ZCWPW2: variants seen among roughly 807,000 people sequenced by gnomAD.
ZCWPW2 encodes the protein zinc finger CW-type PWWP domain protein 2.
A neutral mutation model predicts 46.6 loss-of-function variants in ZCWPW2; 45 were observed. The ratio of observed to expected loss-of-function variants is 0.96; its 90% CI spans 0.76 to 1.24. The LOEUF is 1.24. ZCWPW2 is among the 50% of genes most tolerant of loss of function. The pLI is 0.00. For synonymous variants in ZCWPW2, 152 were observed against 137.1 expected, an observed-to-expected ratio of 1.11 and a Z score of -0.76; for missense variants, 429 against 403.9, an observed-to-expected ratio of 1.06 and a Z score of -0.53.
Position 28,384,610 on chromosome 3 carries a change from C to CTTTTTTTT in ZCWPW2, c.-133-5885_-133-5884insTTTTTTTT, listed in dbSNP as rs201820223. 4.9e-5 allele frequency among the ~76,000 whole-genome samples: 7 copies of CTTTTTTTT among 143,528 alleles called. 1 individual carries two copies. The allele number at this position is 143,528 out of a possible 152,430, so 94.2% of individuals were successfully genotyped here. On this transcript the variant is annotated intron_variant, in intron 1 of 9. Coordinates refer to ENST00000383768, the MANE Select transcript of ZCWPW2 (RefSeq NM_001040432.4). Reference sequence around the variant, plus strand: ...GACACATTCAAGTTGACCAATCTTTCTTTCTTTTTTTTTTTTTTTTGAGAC... The same window carrying CTTTTTTTT: ...GACACATTCAAGTTGACCAATCTTTCTTTTTTTTTTTCTTTTTTTTTTTTTTTTGAGAC...
chr3:28,357,609 C>T lies in ZCWPW2; in HGVS notation c.-134+8406C>T, dbSNP rs528630458. On this transcript the variant is annotated intron_variant, in intron 1 of 9. Transcript: ENST00000383768. ...CTCTGCTTGAATATTTGATCTGGGA[C>T]GTAAGTTTTCTGCCTGTGGACTAGA... Among the ~76,000 whole-genome samples, 10 of 151,678 alleles carry T rather than the reference C, an allele frequency of 6.6e-5. No individual in the cohort carries two copies. In the East Asian group the frequency reaches 7.8e-4, roughly 12 times the overall value.
chr3:28,434,644 T>C (rs1455509718), intron 3 of ZCWPW2, among the ~76,000 whole-genome samples: 1 of 152,232 alleles, frequency 6.6e-6, no homozygotes, highest in Non-Finnish European at 1.5e-5. Flanking sequence ...AAGCCTGAGC[T>C]ATCAGGATTC....
intron 1 of ZCWPW2, among the ~76,000 whole-genome samples, chr3:28,383,318 T>C (rs893468717): frequency 1.4e-5 from 2 of 144,032 alleles, no homozygotes; most frequent in Non-Finnish European, 1.6e-5. Context: ...ATTGGAAAAA[T>C]AAAACATGCA....
chr3:28,495,975 A>C (rs993413348), intron 6 of ZCWPW2, among the ~76,000 whole-genome samples: 69 of 152,076 alleles, frequency 4.5e-4, no homozygotes, highest in Non-Finnish European at 1.9e-4. Flanking sequence ...GGACTCGACA[A>C]ACTACAAATA....
intron 3 of ZCWPW2, among the ~76,000 whole-genome samples, chr3:28,434,237 T>G (rs1425462151): frequency 6.6e-6 from 1 of 152,158 alleles, no homozygotes; most frequent in Non-Finnish European, 1.5e-5. Flanking sequence ...CAGAGGTTTT[T>G]CAGGACTATT....
intron 8 of ZCWPW2, among the ~76,000 whole-genome samples, chr3:28,516,109 A>G (rs1430853211): frequency 6.6e-6 from 1 of 151,740 alleles, no homozygotes; most frequent in East Asian, 1.9e-4. Context: ...CCGTGGTGGC[A>G]TGCACCTGTA....
chr3:28,369,505 A>T (rs1202228182), intron 1 of ZCWPW2, among the ~76,000 whole-genome samples: 1 of 152,134 alleles, frequency 6.6e-6, no homozygotes, highest in East Asian at 1.9e-4. Context: ...CTGCCTGATC[A>T]TTCCTCTGGA....
intron 9 of ZCWPW2, among the ~76,000 whole-genome samples, chr3:28,522,950 A>C (rs1430073424): frequency 6.6e-6 from 1 of 152,148 alleles, no homozygotes; most frequent in African/African-American, 2.4e-5. Flanking sequence ...TTCTTTTCAA[A>C]AATACAGCCA....
intron 2 of ZCWPW2, among the ~76,000 whole-genome samples, chr3:28,400,790 G>T (rs536430487): frequency 9.9e-5 from 15 of 152,220 alleles, no homozygotes; most frequent in African/African-American, 3.6e-4. Flanking sequence ...GCTAAAAAAC[G>T]CTCTAAATCT....
At chr3:28,466,950 G>C (rs1698847778) in intron 4 of ZCWPW2, among the ~76,000 whole-genome samples, 1 of 151,952 alleles carries the variant, frequency 6.6e-6, no homozygotes, top group Admixed American at 6.6e-5. Context: ...TGAGACTTTT[G>C]ACAAACTAAT....
At chr3:28,523,836 T>C (rs2125841321) in intron 9 of ZCWPW2, among the ~76,000 whole-genome samples, 1 of 152,274 alleles carries the variant, frequency 6.6e-6, no homozygotes. Context: ...TGCCTTGACT[T>C]GGCAAGCAAT....
At chr3:28,367,955 C>T (rs1705182930) in intron 1 of ZCWPW2, among the ~76,000 whole-genome samples, 2 of 152,110 alleles carry the variant, frequency 1.3e-5, no homozygotes, top group South Asian at 2.1e-4. Flanking sequence ...TTATCAGAGA[C>T]TAGGCTTGCA....
chr3:28,439,226 T>G (rs1169279092), intron 4 of ZCWPW2, among the ~76,000 whole-genome samples: 2 of 151,698 alleles, frequency 1.3e-5, no homozygotes, highest in Non-Finnish European at 2.9e-5. Flanking sequence ...CACAATAGGC[T>G]GTCTTCAAGC....
At chr3:28,414,009 A>G (rs1161065201) in intron 3 of ZCWPW2, among the ~76,000 whole-genome samples, 2 of 152,050 alleles carry the variant, frequency 1.3e-5, no homozygotes, top group Non-Finnish European at 2.9e-5. Context: ...TGGTTTTCCC[A>G]AGTATGCAGT....
chr3:28,424,304 G>A (rs1212067153), intron 3 of ZCWPW2, among the ~76,000 whole-genome samples: 2 of 150,006 alleles, frequency 1.3e-5, no homozygotes, highest in Admixed American at 6.7e-5. Context: ...GTATGTTCTT[G>A]CTCTATCACT....
intron 5 of ZCWPW2, among the ~76,000 whole-genome samples, chr3:28,490,664 A>G (rs549063858): frequency 6.6e-6 from 1 of 152,160 alleles, no homozygotes; most frequent in African/African-American, 2.4e-5. Flanking sequence ...ACTGGGGCCT[A>G]CGTGAGGGTG....
intron 4 of ZCWPW2, among the ~76,000 whole-genome samples, chr3:28,441,750 C>T (rs528506294): frequency 6.6e-6 from 1 of 152,122 alleles, no homozygotes; most frequent in South Asian, 2.1e-4. Flanking sequence ...CTGTGCACAA[C>T]CCATTTTATG....
intron 1 of ZCWPW2, among the ~76,000 whole-genome samples, chr3:28,363,043 C>T (rs149957644): frequency 2.7e-4 from 36 of 131,240 alleles, no homozygotes; most frequent in Non-Finnish European, 4.0e-4. Flanking sequence ...GAACAACAGA[C>T]GCTGGGGCCT....
intron 4 of ZCWPW2, among the ~76,000 whole-genome samples, chr3:28,465,522 A>T (rs537219644): frequency 1.3e-5 from 2 of 152,328 alleles, no homozygotes; most frequent in South Asian, 4.1e-4. Flanking sequence ...AAAGAACATG[A>T]ACTCATTTTA....
Sources: gnomAD v4.1 joint callset for allele counts (sites outside exome capture counted in the v4.1 genomes callset) on GRCh38, gnomAD v4.1.1 for gene constraint, MANE v1.5 for transcripts, NCBI Gene and HGNC (gene_info 2026-07-23, HGNC 2026-07-21) for gene names.